Variants in ADCY4 observed in about 807,000 individuals in gnomAD.
The protein encoded by ADCY4 is adenylate cyclase type 4.
In ADCY4, 111 loss-of-function variants were observed where a neutral mutation model predicts 125.5. The observed-to-expected ratio is 0.88, with a 90% CI of 0.76 to 1.04. The LOEUF is 1.04. ADCY4 is among the 50% of genes least tolerant of loss of function. The probability of loss-of-function intolerance (pLI) is 0.00; values close to 1 mark genes in which losing one functional copy is unlikely to be tolerated. For missense variants in ADCY4, 1,256 were observed against 1,382.9 expected (o/e 0.91, Z 1.46); for synonymous variants, 576 against 586.9 (o/e 0.98, Z 0.27).
At chr14:24,322,602 G>A (rs2041869888) in intron 19 of ADCY4, 22 bp downstream of exon 19, 2 of 1,612,804 alleles carry the variant, frequency 1.2e-6, no homozygotes, top group African/African-American at 1.3e-5. Context: ...GGGCCCTGGT[G>A]GGGCTGAGCT....
rs1594668905 is a variant in ADCY4, at chr14:24,331,894, C to G, written c.563G>C (p.Gly188Ala). Residue 188 changes from glycine to alanine, a missense_variant, in exon 4 of 25, where the codon GGA (glycine) becomes GCA (alanine). By Grantham distance (60) the Gly-to-Ala change is moderately conservative. Coordinates refer to ENST00000418030, the MANE Select transcript of ADCY4 (RefSeq NM_001198568.2). Reference protein sequence around the residue: ...AVLFLCGNVAGVYHKALMERA... With the variant: ...AVLFLCGNVAAVYHKALMERA... The stretch of plus-strand genomic sequence containing the variant: ...CTCCATCAGCGCCTTGTGGTACACT[C>G]CTGCCACGTTCCCGCACAGGAACAG... 1.3e-6 allele frequency: 2 copies of G among 1,587,606 alleles called. No homozygotes were observed. The highest frequency in any genetic ancestry group is 1.3e-5 in the African/African-American group (1 of 74,238).
chr14:24,325,131 G>C (rs891080383), intron 14 of ADCY4, among the ~76,000 whole-genome samples: 1 of 151,956 alleles, frequency 6.6e-6, no homozygotes. Flanking sequence ...GGCCTTCATG[G>C]GGATGTTGTT....
At position 24,320,533 on chromosome 14, in the gene ADCY4, C is replaced by T. The variant is rs73591429; in HGVS notation, c.2587-645G>A. Among the ~76,000 whole-genome samples, 452 of 152,246 alleles carry T rather than the reference C, an allele frequency of 3.0e-3. 1 individual carries two copies. The highest frequency in any genetic ancestry group is 0.01 in the African/African-American group (429 of 41,542). On this transcript the variant is annotated intron_variant, in intron 20 of 24. Coordinates refer to ENST00000418030, the MANE Select transcript of ADCY4 (RefSeq NM_001198568.2). ...ACTGATCTTGAGAGCAGGGAGCAGG[C>T]GGTGGGGGCATAAGGCTGTGAAAGA...
intron 24 of ADCY4, 34 bp from the exon 25 acceptor site, chr14:24,318,602 T>C: frequency 6.2e-7 from 1 of 1,613,762 alleles, no homozygotes; most frequent in South Asian, 1.1e-5. Context: ...AATATGGAGG[T>C]GGCCCTATTC....
At chr14:24,323,639 G>A in intron 16 of ADCY4, 185 bp from the exon 17 acceptor site, 4 of 1,420,492 alleles carry the variant, frequency 2.8e-6, no homozygotes, top group Non-Finnish European at 3.7e-6. Flanking sequence ...AGTTATGTGA[G>A]GGGCGTCAAG....
intron 17 of ADCY4, 66 bp downstream of exon 17, chr14:24,323,278 G>A (rs1428352226): frequency 2.0e-6 from 3 of 1,472,280 alleles, no homozygotes; most frequent in South Asian, 1.2e-5. Flanking sequence ...CTCCACTCAG[G>A]GGGCTGTGGG....
chr14:24,323,534 A>G (rs1356082517), intron 16 of ADCY4, 80 bp from the exon 17 acceptor site: 2 of 1,530,962 alleles, frequency 1.3e-6, no homozygotes, highest in Non-Finnish European at 1.8e-6. Context: ...CAGCTGACCC[A>G]GGGATGAGTC....
At chr14:24,328,345 C>T (rs1350913782) in intron 10 of ADCY4, among the ~76,000 whole-genome samples, 6 of 152,162 alleles carry the variant, frequency 3.9e-5, no homozygotes, top group Non-Finnish European at 8.8e-5. Flanking sequence ...GAGGCCTAAC[C>T]GTCTCCCTGT....
At position 24,319,772 on chromosome 14, in the gene ADCY4, C is replaced by T; in HGVS notation, c.2703G>A (p.Leu901=). 3 of 1,614,174 alleles carry T rather than the reference C, an allele frequency of 1.9e-6. No individual in the cohort carries two copies. Among genetic ancestry groups the T allele is most frequent in the Non-Finnish European group, 2.5e-6 (3 of 1,180,022 alleles). The stretch of plus-strand genomic sequence containing the variant: ...CAAAATCAGCAATTATCTCATTGAG[C>T]AGCCTCAGACACTCTAGGCCCTCAT... ...INHEGLECLR[L]LNEIIADFDE... is the part of the protein sequence containing the mutation. Residue 901 remains leucine (L), a synonymous_variant, in exon 21 of 25, where the codon CTG becomes CTA. Coordinates refer to ENST00000418030, the MANE Select transcript of ADCY4 (RefSeq NM_001198568.2). This position sits in a 1 kb window ranked among gnomAD's most constrained non-coding sequence, Gnocchi z 4.5.
At chr14:24,333,227 GGTTT>G (rs1371921318) in intron 1 of ADCY4, among the ~76,000 whole-genome samples, 1 of 152,026 alleles carries the variant, frequency 6.6e-6, no homozygotes, top group Non-Finnish European at 1.5e-5. Context: ...TTGGTTGGTT[GGTTT>G]GTTTTTTGAG....
At position 24,334,711 on chromosome 14, in the gene ADCY4, C is replaced by A; in HGVS notation, c.-59G>T. 1.5e-6 allele frequency: 2 copies of A among 1,362,574 alleles called. No homozygotes were observed. 84.4% of individuals were successfully genotyped at this position (1,362,574 alleles called of 1,614,324 possible). A position where few individuals can be genotyped will look rare whatever the true frequency, so the allele number is the denominator to read the frequency against. ...GGGCCGGGCGCCGGGTTACCTCCTT[C>A]GGCCCGGCGGGCCCCACCTGAGCTT... On this transcript the variant is annotated 5_prime_UTR_variant, in exon 1 of 25. Transcript: ENST00000418030.
chr14:24,321,264 A>AT lies in ADCY4; in HGVS notation c.2586+801_2586+802insA, dbSNP rs1429385922. 4.9e-5 allele frequency among the ~76,000 whole-genome samples: 7 copies of AT among 143,808 alleles called. No individual in the cohort carries two copies. The South Asian group carries it at 6.8e-4, about 14-fold the overall frequency. The allele number at this position is 143,808 out of a possible 152,430, so 94.3% of individuals were successfully genotyped here. A position where few individuals can be genotyped will look rare whatever the true frequency, so the allele number is the denominator to read the frequency against. On this transcript the variant is annotated intron_variant, in intron 20 of 24. Transcript: ENST00000418030. ...TGTCTCTACTAAAAAAAAAAAATAT[A>AT]AAAAAAATTAGCCAGGCATGGTGGC...
At chr14:24,330,856 T>A (rs761635504) in intron 6 of ADCY4, 162 bp downstream of exon 6, 49 of 631,442 alleles carry the variant, frequency 7.8e-5, no homozygotes, top group Non-Finnish European at 1.2e-4. Flanking sequence ...GCTTCATGAC[T>A]GGGAATGTTT....
Position 24,322,237 on chromosome 14 carries a change from A to G in ADCY4, c.2428-13T>C, listed in dbSNP as rs1566432193. On this transcript the variant is annotated splice_polypyrimidine_tract_variant and intron_variant, in intron 19 of 24. Transcript: ENST00000418030. ...AGTAGTACTCATTCTGGGGAGGGTC[A>G]CCCGGGGCCATGGGGAGACACAGAG... 3 of 1,606,008 alleles carry G rather than the reference A, an allele frequency of 1.9e-6. No homozygotes were observed. The highest frequency in any genetic ancestry group is 2.7e-5 in the African/African-American group (2 of 74,782).
intron 5 of ADCY4, 27 bp from the exon 6 acceptor site, chr14:24,331,156 G>C (rs1458449450): frequency 4.3e-6 from 7 of 1,613,024 alleles, no homozygotes; most frequent in Non-Finnish European, 5.9e-6. Context: ...GTGTCAGCAG[G>C]GCCAGGGTCT....
At chr14:24,322,459 G>T (rs1223647608) in intron 19 of ADCY4, 165 bp downstream of exon 19, 2 of 872,968 alleles carry the variant, frequency 2.3e-6, no homozygotes, top group East Asian at 2.7e-5. Context: ...CCAGATAGGG[G>T]TGTGGGAGAA....
chr14:24,334,988 C>CAGGATTTGGGGTTGGT lies in ADCY4; in HGVS notation c.-337_-336insACCAACCCCAAATCCT. 9.8e-6 allele frequency: 2 copies of CAGGATTTGGGGTTGGT among 204,260 alleles called. 1 individual carries two copies. The highest frequency in any genetic ancestry group is 2.9e-4 in the South Asian group (2 of 7,016). The allele number at this position is 204,260 out of a possible 1,614,324, so 12.7% of individuals were successfully genotyped here. A position where few individuals can be genotyped will look rare whatever the true frequency, so the allele number is the denominator to read the frequency against. On this transcript the variant is annotated 5_prime_UTR_variant, in exon 1 of 25. Coordinates refer to ENST00000418030, the MANE Select transcript of ADCY4 (RefSeq NM_001198568.2). ...TCCCCTGATCCCCGAACTCACTGCC[C>CAGGATTTGGGGTTGGT]GCGGCGCTGGCGCAGCGGAGTGGGC...
chr14:24,325,505 G>A (rs2041928060), intron 13 of ADCY4, 31 bp from the exon 14 acceptor site: 2 of 1,577,454 alleles, frequency 1.3e-6, no homozygotes, highest in South Asian at 2.2e-5. Context: ...GGTGGAGACA[G>A]GGTCCAGTGC....
Position 24,325,834 on chromosome 14 carries a change from T to A in ADCY4, c.1709A>T (p.Lys570Met), listed in dbSNP as rs1206167313. The part of the protein sequence containing the change: ...FNPLTLYFRE[K>M]EMEKEYRLSA... ...ACAGCCCACCTCTTTCTCCATCTCC[T>A]TCTCTCTGAAGTACAGTGTCAGTGG... The change falls in exon 13 of 25, where the codon AAG (lysine) becomes ATG (methionine). Residue 570 changes from lysine to methionine, a missense_variant. By Grantham distance (95) the Lys-to-Met change is moderately conservative (BLOSUM62 -1). Coordinates refer to ENST00000418030, the MANE Select transcript of ADCY4 (RefSeq NM_001198568.2). 1 of 1,598,018 alleles carries A rather than the reference T, an allele frequency of 6.3e-7. No individual in the cohort carries two copies. The highest frequency in any genetic ancestry group is 8.5e-7 in the Non-Finnish European group (1 of 1,170,440).
Sources: allele counts gnomAD v4.1 joint callset (sites outside exome capture counted in the v4.1 genomes callset), GRCh38; gene constraint gnomAD v4.1.1; non-coding constraint Gnocchi (gnomAD v3.1); transcripts MANE v1.5; gene names NCBI Gene and HGNC (gene_info 2026-07-23, HGNC 2026-07-21).